KNSTRN: variants seen among roughly 807,000 people sequenced by gnomAD.
KNSTRN encodes the protein kinetochore localized astrin (SPAG5) binding protein.
A neutral mutation model predicts 44.7 loss-of-function variants in KNSTRN; 38 were observed. The ratio of observed to expected loss-of-function variants is 0.85; its 90% CI spans 0.66 to 1.11. KNSTRN has a LOEUF of 1.11. KNSTRN is among the 50% of genes most tolerant of loss of function. The pLI is 0.00. For missense variants in KNSTRN, 406 were observed against 375.8 expected (o/e 1.08, Z -0.66); for synonymous variants, 158 against 148.1 (o/e 1.07, Z -0.48).
intron 2 of KNSTRN, chr15:40,384,279 C>G: frequency 3.3e-6 from 1 of 298,680 alleles, no homozygotes; most frequent in South Asian, 2.5e-5. Context: ...GAGGCTGAGG[C>G]AGGAGAATGG....
At chr15:40,389,093 T>C in intron 4 of KNSTRN, 1 of 440,582 alleles carries the variant, frequency 2.3e-6, no homozygotes, top group South Asian at 1.6e-5. Context: ...TATACCACTG[T>C]GTAATAGCCA....
intron 2 of KNSTRN, 120 bp from the exon 3 acceptor site, chr15:40,386,242 A>T (rs1404096224): frequency 3.7e-6 from 4 of 1,086,474 alleles, no homozygotes; most frequent in Non-Finnish European, 3.9e-6. Context: ...AATAAATAAT[A>T]CTTTTTAAAA....
In KNSTRN at chr15:40,394,252, CTG is replaced by C. The variant is rs1461182545; in HGVS notation, c.*657_*658del. ...ATAAATACTTCTGTAAATATTCTGA[CTG>C]TAACATTGAGGAATGAAAATAGCCT... On this transcript the variant is annotated 3_prime_UTR_variant, in exon 9 of 9. Coordinates refer to ENST00000249776, the MANE Select transcript of KNSTRN (RefSeq NM_033286.4). 6.6e-6 allele frequency: 1 copy of C among 152,148 alleles called. No individual in the cohort carries two copies. Among genetic ancestry groups the C allele is most frequent in the Non-Finnish European group, 1.5e-5 (1 of 68,034 alleles). The allele number at this position is 152,148 out of a possible 1,614,324, so 9.4% of individuals were successfully genotyped here.
At chr15:40,386,991 CTG>C in intron 3 of KNSTRN, 166 bp from the exon 4 acceptor site, 2 of 634,730 alleles carry the variant, frequency 3.2e-6, no homozygotes. Flanking sequence ...TTTCAATAAT[CTG>C]TGCCGAAGCA....
chr15:40,389,740 GC>G lies in KNSTRN; in HGVS notation c.592-95del, dbSNP rs1595739932. On this transcript the variant is annotated intron_variant, in intron 5 of 8. Transcript: ENST00000249776. ...CCCAAGGGCAGAAAAAAAAAGCCAG[GC>G]TTTTGCTATGGCTGTCCAAGAGCAA... The G allele has an allele frequency of 4.2e-5, 58 of 1,392,088 alleles. No homozygotes were observed. In the East Asian group the frequency reaches 1.3e-3, roughly 31 times the overall value. 86.2% of individuals were successfully genotyped at this position (1,392,088 alleles called of 1,614,324 possible).
intron 6 of KNSTRN, among the ~76,000 whole-genome samples, chr15:40,391,197 C>CA (rs374155746): frequency 4.6e-5 from 7 of 151,520 alleles, no homozygotes; most frequent in Non-Finnish European, 8.8e-5. Flanking sequence ...TGAACAAAAC[C>CA]AAAAAAAATC....
rs1371929830 is a variant in KNSTRN at position 40,393,870 on chromosome 15, A to C, written c.*273A>C. 1 of 241,516 alleles carries C rather than the reference A, an allele frequency of 4.1e-6. No homozygotes were observed. Among genetic ancestry groups the C allele is most frequent in the African/African-American group, 2.3e-5 (1 of 43,304 alleles). 15.0% of individuals were successfully genotyped at this position (241,516 alleles called of 1,614,324 possible). On this transcript the variant is annotated 3_prime_UTR_variant, in exon 9 of 9. Transcript: ENST00000249776. ...GCCTAGGAGCTTGGATTGACCTTCT[A>C]GTCAACCACCTGACTTCAGCACACC...
At chr15:40,388,655 A>G (rs1889942760) in intron 4 of KNSTRN, among the ~76,000 whole-genome samples, 1 of 151,536 alleles carries the variant, frequency 6.6e-6, no homozygotes, top group South Asian at 2.1e-4. Context: ...AGACCACGCC[A>G]CTGCACTCCA....
rs549323566 is a variant in KNSTRN, at chr15:40,392,926, A to T, written c.823-543A>T. Among the ~76,000 whole-genome samples, 7 of 152,226 alleles carry T rather than the reference A, an allele frequency of 4.6e-5. No homozygotes were observed. In the South Asian group the frequency reaches 8.3e-4, roughly 18 times the overall value. On this transcript the variant is annotated intron_variant, in intron 8 of 8. Coordinates refer to ENST00000249776, the MANE Select transcript of KNSTRN (RefSeq NM_033286.4). ...GCACCCGGCAGGAAAAAAATTTTTT[A>T]AAAAACAGACCAACATCAGTACATT...
At chr15:40,390,684 G>T (rs1031358953) in intron 6 of KNSTRN, among the ~76,000 whole-genome samples, 2 of 151,386 alleles carry the variant, frequency 1.3e-5, no homozygotes, top group African/African-American at 2.4e-5. Flanking sequence ...GTGTGATTTC[G>T]GCTCACTGAA....
At chr15:40,388,213 C>G (rs551588610) in intron 4 of KNSTRN, among the ~76,000 whole-genome samples, 8 of 152,238 alleles carry the variant, frequency 5.3e-5, no homozygotes, top group South Asian at 2.1e-4. Context: ...CTGAGAGCCC[C>G]GAACAGAGAT....
At chr15:40,392,334 G>C (rs1890014990) in intron 8 of KNSTRN, among the ~76,000 whole-genome samples, 1 of 151,978 alleles carries the variant, frequency 6.6e-6, no homozygotes. Context: ...TATTCTTCTT[G>C]ATGCACTTCC....
chr15:40,383,294 C>A lies in KNSTRN; in HGVS notation c.276C>A (p.Pro92=). ...AGACAGTGTATAGCCTGCAGCCCCC[C>A]TCTGCGCTGAGCGGCGGCCAGCCGG... ...VVKTVYSLQP[P]SALSGGQPAD... is the part of the protein sequence containing the mutation. The change falls in exon 2 of 9, where the codon CCC becomes CCA. Residue 92 remains proline (P), a synonymous_variant. Coordinates refer to ENST00000249776, the MANE Select transcript of KNSTRN (RefSeq NM_033286.4). 6.2e-7 allele frequency: 1 copy of A among 1,613,478 alleles called. No individual in the cohort carries two copies. Among genetic ancestry groups the A allele is most frequent in the Non-Finnish European group, 8.5e-7 (1 of 1,179,560 alleles).
chr15:40,391,104 T>C (rs1889989123), intron 6 of KNSTRN, among the ~76,000 whole-genome samples: 1 of 152,188 alleles, frequency 6.6e-6, no homozygotes, highest in South Asian at 2.1e-4. Context: ...TGTATGATTT[T>C]AGTTTATTAC....
intron 4 of KNSTRN, chr15:40,389,296 G>C: frequency 1.9e-6 from 1 of 513,798 alleles, no homozygotes; most frequent in South Asian, 1.8e-5. Context: ...TTACAGGCAT[G>C]CGCCACCACG....
intron 2 of KNSTRN, chr15:40,384,808 C>G (rs1889876953): frequency 6.1e-6 from 1 of 163,398 alleles, no homozygotes. Flanking sequence ...TTGACACCAG[C>G]CATCCAGTTC....
At position 40,386,301 on chromosome 15, in the gene KNSTRN, T is replaced by TA; in HGVS notation, c.305-60dup. On this transcript the variant is annotated intron_variant, in intron 2 of 8. Coordinates refer to ENST00000249776, the MANE Select transcript of KNSTRN (RefSeq NM_033286.4). ...CAACTTCGAATGGGGCTCTGTTTGT[T>TA]ACAGGGTTGCAACTGTCGGGTCATG... 1.9e-6 allele frequency: 3 copies of TA among 1,545,978 alleles called. No homozygotes were observed. In the South Asian group the frequency reaches 3.6e-5, roughly 19 times the overall value.
chr15:40,393,665 A>G lies in KNSTRN; in HGVS notation c.*68A>G. 1 of 1,423,188 alleles carries G rather than the reference A, an allele frequency of 7.0e-7. No individual in the cohort carries two copies. Among genetic ancestry groups the G allele is most frequent in the Non-Finnish European group, 9.7e-7 (1 of 1,033,000 alleles). The allele number at this position is 1,423,188 out of a possible 1,614,324, so 88.2% of individuals were successfully genotyped here. Reference sequence around the variant, plus strand: ...CTCAGAGGAAGCTACTTAGGACATCATCTTGGCCATGATCTTCTGGGACTC... The same window carrying G: ...CTCAGAGGAAGCTACTTAGGACATCGTCTTGGCCATGATCTTCTGGGACTC... On this transcript the variant is annotated 3_prime_UTR_variant, in exon 9 of 9. Transcript: ENST00000249776.
intron 7 of KNSTRN, 25 bp downstream of exon 7, chr15:40,391,579 G>A (rs2289332): frequency 0.59 from 943,763 of 1,593,968 alleles, 282,929 homozygotes; most frequent in East Asian, 0.71. Flanking sequence ...GTGAAAGGGC[G>A]CAAGGGCTGA....
Sources: allele counts gnomAD v4.1 joint callset (sites outside exome capture counted in the v4.1 genomes callset), GRCh38; gene constraint gnomAD v4.1.1; transcripts MANE v1.5; gene names NCBI Gene and HGNC (gene_info 2026-07-23, HGNC 2026-07-21).